The following GOLGB1 variants were observed in gnomAD, a reference collection of about 807,000 sequenced individuals.
GOLGB1 encodes the protein golgin subfamily B member 1.
Under a neutral mutation model 336.9 loss-of-function variants are expected in GOLGB1, and 174 were observed. The ratio of observed to expected loss-of-function variants is 0.52; its 90% CI spans 0.46 to 0.59. The LOEUF (loss-of-function observed/expected upper bound fraction) is 0.59, where lower values mean the gene tolerates loss of function less well. GOLGB1 is among the 20% of genes least tolerant of loss of function. The pLI is 0.00. For synonymous variants in GOLGB1, 1,208 were observed against 1,289.2 expected (o/e 0.94, Z 1.35); for missense variants, 3,331 against 3,645.3 (o/e 0.91, Z 2.22).
At position 121,696,910 on chromosome 3, in the gene GOLGB1, GTCTT is replaced by G. The variant is rs1394304310; in HGVS notation, c.3609_3612del (p.Glu1203AspfsTer7). 1 of 1,614,120 alleles carries G rather than the reference GTCTT, an allele frequency of 6.2e-7. No homozygotes were observed. The highest frequency in any genetic ancestry group is 1.1e-5 in the South Asian group (1 of 91,084). ...TGTTGCTTTAGCTCCTCCCTGAGATGTCTTTCTTTCTCCTGTGCCTTTTTAAGAA... is the reference window on the plus strand; with the variant it reads ...TGTTGCTTTAGCTCCTCCCTGAGATGTCTTTCTCCTGTGCCTTTTTAAGAA... On this transcript the variant is annotated frameshift_variant, in exon 13 of 22. Coordinates refer to ENST00000614479, the MANE Select transcript of GOLGB1 (RefSeq NM_001366282.2). LOFTEE classifies it high-confidence loss of function.
chr3:121,671,610 T>C (rs1355366697), intron 17 of GOLGB1, among the ~76,000 whole-genome samples: 1 of 152,224 alleles, frequency 6.6e-6, no homozygotes, highest in African/African-American at 2.4e-5. Context: ...GGAATATCCA[T>C]CACCTTAAGT....
At chr3:121,706,628 G>A (rs1943849607) in intron 10 of GOLGB1, among the ~76,000 whole-genome samples, 1 of 150,118 alleles carries the variant, frequency 6.7e-6, no homozygotes, top group South Asian at 2.1e-4. Context: ...AAGCTACATG[G>A]GAGGCTGAGG....
intron 5 of GOLGB1, among the ~76,000 whole-genome samples, chr3:121,725,120 C>A (rs1945482511): frequency 1.3e-5 from 2 of 152,040 alleles, no homozygotes; most frequent in Non-Finnish European, 2.9e-5. Flanking sequence ...TAGAGCAATG[C>A]CAAGGGGAAA....
intron 9 of GOLGB1, among the ~76,000 whole-genome samples, chr3:121,715,626 C>G (rs1944701872): frequency 6.6e-6 from 1 of 152,096 alleles, no homozygotes; most frequent in Non-Finnish European, 1.5e-5. Context: ...GATTCCACCA[C>G]ATGGTTTTAA....
intron 14 of GOLGB1, among the ~76,000 whole-genome samples, chr3:121,689,499 G>A (rs1942209799): frequency 6.6e-6 from 1 of 151,220 alleles, no homozygotes; most frequent in South Asian, 2.1e-4. Flanking sequence ...AAGTACCCAG[G>A]GACACAAACA....
intron 9 of GOLGB1, 109 bp from the exon 10 acceptor site, chr3:121,715,085 G>T: frequency 1.7e-6 from 1 of 604,026 alleles, no homozygotes; most frequent in African/African-American, 1.9e-5. Flanking sequence ...AGTTTCCTTA[G>T]TTAAAATTAT....
intron 1 of GOLGB1, among the ~76,000 whole-genome samples, chr3:121,735,821 C>A (rs1946431830): frequency 6.6e-6 from 1 of 152,100 alleles, no homozygotes; most frequent in Non-Finnish European, 1.5e-5. Flanking sequence ...AACAGTAACA[C>A]CTCAGTAGCA....
rs71133560 is a variant in GOLGB1 at position 121,704,776 on chromosome 3, C to CAAA, written c.1405-2184_1405-2182dup. 7.1e-4 allele frequency among the ~76,000 whole-genome samples: 76 copies of CAAA among 106,572 alleles called. 1 individual carries two copies. The highest frequency in any genetic ancestry group is 6.0e-3 in the Middle Eastern group (1 of 168). 69.9% of individuals were successfully genotyped at this position (106,572 alleles called of 152,430 possible). A position where few individuals can be genotyped will look rare whatever the true frequency, so the allele number is the denominator to read the frequency against. ...GGGTGACAAGAGTGAAACTCCATCT[C>CAAA]AAAAAAAAAAAAAAAAAAAGTTCTG... On this transcript the variant is annotated intron_variant, in intron 10 of 21. Coordinates refer to ENST00000614479, the MANE Select transcript of GOLGB1 (RefSeq NM_001366282.2).
At chr3:121,672,515 A>G (rs1939685237) in intron 17 of GOLGB1, among the ~76,000 whole-genome samples, 1 of 152,136 alleles carries the variant, frequency 6.6e-6, no homozygotes, top group Non-Finnish European at 1.5e-5. Context: ...AGTCCCTTAT[A>G]TATTCTGGTT....
chr3:121,738,267 C>T (rs1946618742), intron 1 of GOLGB1, among the ~76,000 whole-genome samples: 1 of 152,090 alleles, frequency 6.6e-6, no homozygotes, highest in East Asian at 1.9e-4. Flanking sequence ...ACAAAATAAC[C>T]AACTGATGGG....
chr3:121,664,603 G>T lies in GOLGB1; in HGVS notation c.9672C>A (p.Gly3224=). The T allele has an allele frequency of 6.2e-7, 1 of 1,613,688 alleles. No homozygotes were observed. The highest frequency in any genetic ancestry group is 8.5e-7 in the Non-Finnish European group (1 of 1,179,638). The part of the protein sequence containing the change: ...TSNSCRRTRS[G]VGWKRVLRSL... ...AACGCAGGACTCGCTTCCATCCAAC[G>T]CCACTCCGGGTCTGAAAGAAAAATG... The change falls in exon 22 of 22, where the codon GGC becomes GGA. Residue 3224 remains glycine (G), a synonymous_variant. Coordinates refer to ENST00000614479, the MANE Select transcript of GOLGB1 (RefSeq NM_001366282.2).
At chr3:121,681,322 A>G (rs933604545) in intron 15 of GOLGB1, among the ~76,000 whole-genome samples, 2 of 152,220 alleles carry the variant, frequency 1.3e-5, no homozygotes, top group African/African-American at 4.8e-5. Flanking sequence ...TGAGGAAGGT[A>G]GGGAAGGGAG....
intron 5 of GOLGB1, 77 bp from the exon 6 acceptor site, chr3:121,722,455 C>T (rs887291559): frequency 1.2e-5 from 9 of 770,978 alleles, no homozygotes; most frequent in Non-Finnish European, 2.0e-5. Context: ...TTTGACCTCC[C>T]TTTCTTGCTT....
In GOLGB1 at chr3:121,691,275, C is replaced by T; in HGVS notation, c.8089G>A (p.Gly2697Arg). 4 of 1,613,254 alleles carry T rather than the reference C, an allele frequency of 2.5e-6. No individual in the cohort carries two copies. In the East Asian group the frequency reaches 8.9e-5, roughly 36 times the overall value. The change falls in exon 14 of 22, where the codon GGG becomes AGG. Residue 2697 changes from glycine to arginine, a missense_variant. Transcript: ENST00000614479. Reference sequence around the variant, plus strand: ...GTTTCAGTTTCATTTCTCATTATCCCTGCATCATGATGAAGATGCTTTAAT... The same window carrying T: ...GTTTCAGTTTCATTTCTCATTATCCTTGCATCATGATGAAGATGCTTTAAT... The part of the protein sequence containing the change: ...KELKHLHHDA[G>R]IMRNETETAE...
chr3:121,735,983 G>A (rs917763646), intron 1 of GOLGB1, among the ~76,000 whole-genome samples: 5 of 152,154 alleles, frequency 3.3e-5, no homozygotes, highest in African/African-American at 1.2e-4. Flanking sequence ...AATGGGGTAT[G>A]TGACCAGGAG....
At chr3:121,745,528 ACG>A (rs1947223655) in intron 1 of GOLGB1, among the ~76,000 whole-genome samples, 1 of 150,268 alleles carries the variant, frequency 6.7e-6, no homozygotes, top group African/African-American at 2.5e-5. Context: ...ACATATGTAT[ACG>A]TGTATGTATA....
intron 3 of GOLGB1, among the ~76,000 whole-genome samples, chr3:121,729,589 T>A (rs942489466): frequency 1.3e-5 from 2 of 151,262 alleles, no homozygotes; most frequent in Non-Finnish European, 3.0e-5. Flanking sequence ...TTTTTTTAAA[T>A]TTTTTTTTGT....
intron 10 of GOLGB1, among the ~76,000 whole-genome samples, chr3:121,714,114 C>T (rs1944566986): frequency 6.6e-6 from 1 of 152,146 alleles, no homozygotes; most frequent in Non-Finnish European, 1.5e-5. Flanking sequence ...AGCCTAGATG[C>T]TAGAAACCAA....
chr3:121,674,821 CT>C (rs1156633394), intron 17 of GOLGB1, among the ~76,000 whole-genome samples: 1 of 140,280 alleles, frequency 7.1e-6, no homozygotes, highest in Admixed American at 7.1e-5. Context: ...AATGAGGTGC[CT>C]TTCTTTTTTT....
Sources: allele counts gnomAD v4.1 joint callset (sites outside exome capture counted in the v4.1 genomes callset), GRCh38; gene constraint gnomAD v4.1.1; transcripts MANE v1.5; gene names NCBI Gene and HGNC (gene_info 2026-07-23, HGNC 2026-07-21).